TBC1D5: variants seen among roughly 807,000 people sequenced by gnomAD.
TBC1D5 encodes the protein TBC1 domain family, member 5.
TBC1D5 carries 75 observed loss-of-function variants against 100.3 expected under a neutral mutation model. The observed-to-expected ratio is 0.75, with a 90% CI of 0.62 to 0.91. The LOEUF (loss-of-function observed/expected upper bound fraction) is 0.91, where lower values mean the gene tolerates loss of function less well. TBC1D5 is among the 40% of genes least tolerant of loss of function. The pLI, the probability that TBC1D5 is intolerant of heterozygous loss-of-function variation, is 0.00. For synonymous variants in TBC1D5, 323 were observed against 325.6 expected, an observed-to-expected ratio of 0.99 and a Z score of 0.09; for missense variants, 910 against 942.4, an observed-to-expected ratio of 0.97 and a Z score of 0.45.
chr3:17,412,391 C>T (rs2093951204), intron 4 of TBC1D5, among the ~76,000 whole-genome samples: 1 of 152,086 alleles, frequency 6.6e-6, no homozygotes, highest in Admixed American at 6.6e-5. Context: ...GAGAATCAAA[C>T]ATTAAACAGA....
intron 3 of TBC1D5, among the ~76,000 whole-genome samples, chr3:17,437,589 G>C (rs768016304): frequency 2.1e-5 from 3 of 146,144 alleles, no homozygotes; most frequent in Non-Finnish European, 4.5e-5. Flanking sequence ...TGTGTGGTGG[G>C]ATGGAAAGAG....
At chr3:17,321,525 G>A (rs1226289190) in intron 13 of TBC1D5, among the ~76,000 whole-genome samples, 8 of 152,134 alleles carry the variant, frequency 5.3e-5, no homozygotes, top group Admixed American at 5.2e-4. Flanking sequence ...TATTACTTGA[G>A]ATGAATATTT....
chr3:17,367,770 A>G (rs1360893560), intron 13 of TBC1D5, among the ~76,000 whole-genome samples: 1 of 152,028 alleles, frequency 6.6e-6, no homozygotes, highest in Non-Finnish European at 1.5e-5. Context: ...GAGGCAGGAT[A>G]ATTGCTTGAA....
intron 4 of TBC1D5, 59 bp downstream of exon 4, chr3:17,428,388 ATAT>A (rs1190542565): frequency 1.9e-6 from 1 of 521,092 alleles, no homozygotes; most frequent in Non-Finnish European, 2.7e-6. Flanking sequence ...TTATCTTATA[ATAT>A]TATATGTGTG....
intron 2 of TBC1D5, among the ~76,000 whole-genome samples, chr3:17,535,366 GC>G (rs1421346031): frequency 6.6e-6 from 1 of 152,116 alleles, no homozygotes; most frequent in Non-Finnish European, 1.5e-5. Context: ...TGCTTTTATG[GC>G]CCTGGCACAG....
chr3:17,258,931 A>G (rs186420603), intron 15 of TBC1D5, among the ~76,000 whole-genome samples: 1 of 152,302 alleles, frequency 6.6e-6, no homozygotes, highest in African/African-American at 2.4e-5. Flanking sequence ...ACCACAAACT[A>G]TGCCAAGGGA....
intron 16 of TBC1D5, among the ~76,000 whole-genome samples, chr3:17,245,362 T>C (rs907431254): frequency 1.3e-5 from 2 of 152,240 alleles, no homozygotes; most frequent in Non-Finnish European, 2.9e-5. Flanking sequence ...GGAAGTGAAC[T>C]CACTGCTCAT....
chr3:17,196,322 G>T (rs2070681170), intron 18 of TBC1D5, among the ~76,000 whole-genome samples: 1 of 152,146 alleles, frequency 6.6e-6, no homozygotes, highest in Non-Finnish European at 1.5e-5. Flanking sequence ...AAGGCTCCAT[G>T]GGACACAAGG....
intron 13 of TBC1D5, among the ~76,000 whole-genome samples, chr3:17,316,421 G>T (rs920365591): frequency 6.6e-6 from 1 of 152,100 alleles, no homozygotes; most frequent in Non-Finnish European, 1.5e-5. Flanking sequence ...CCTCTCTTCT[G>T]AAAAATACAC....
intron 18 of TBC1D5, among the ~76,000 whole-genome samples, chr3:17,203,657 C>T (rs752319688): frequency 6.6e-6 from 1 of 152,138 alleles, no homozygotes; most frequent in African/African-American, 2.4e-5. Context: ...AGTGAGTTCT[C>T]ACAAGATTTG....
At chr3:17,527,177 G>A (rs778862725) in intron 2 of TBC1D5, among the ~76,000 whole-genome samples, 1 of 152,190 alleles carries the variant, frequency 6.6e-6, no homozygotes, top group Admixed American at 6.5e-5. Flanking sequence ...CCTAGGGATA[G>A]AGAAAGATGG....
Position 17,681,483 on chromosome 3 carries a change from T to C in TBC1D5, c.-100-57570A>G, listed in dbSNP as rs543437836. 4.4e-4 allele frequency among the ~76,000 whole-genome samples: 66 copies of C among 151,592 alleles called. 2 individuals are homozygous for C. Among genetic ancestry groups the C allele is most frequent in the African/African-American group, 1.5e-3 (62 of 40,942 alleles). On this transcript the variant is annotated intron_variant, in intron 1 of 21. Coordinates refer to ENST00000253692, the Ensembl canonical transcript of TBC1D5. ...CAGGAGGAAATTCAAAAGAAAACTA[T>C]AGAAAAAAATTAACTTACTCTCATC...
intron 1 of TBC1D5, among the ~76,000 whole-genome samples, chr3:17,699,080 A>T (rs1297865520): frequency 6.6e-6 from 1 of 151,404 alleles, no homozygotes; most frequent in Non-Finnish European, 1.5e-5. Flanking sequence ...GCTGCTATAA[A>T]GACACATGCC....
intron 16 of TBC1D5, among the ~76,000 whole-genome samples, chr3:17,255,670 T>C (rs977502510): frequency 6.6e-6 from 1 of 152,254 alleles, no homozygotes; most frequent in African/African-American, 2.4e-5. Context: ...AATCCATTAG[T>C]TGTTCCTTTG....
At chr3:17,476,178 G>A (rs1460762233) in intron 3 of TBC1D5, among the ~76,000 whole-genome samples, 1 of 151,316 alleles carries the variant, frequency 6.6e-6, no homozygotes, top group Non-Finnish European at 1.5e-5. Flanking sequence ...TCTCATAATA[G>A]TTTTTGATTT....
intron 3 of TBC1D5, among the ~76,000 whole-genome samples, chr3:17,464,468 T>C (rs1282939432): frequency 6.6e-6 from 1 of 152,198 alleles, no homozygotes; most frequent in Non-Finnish European, 1.5e-5. Context: ...ACTATAACTA[T>C]TTCTTTCATG....
intron 1 of TBC1D5, among the ~76,000 whole-genome samples, chr3:17,735,875 A>T (rs1026018997): frequency 1.6e-4 from 25 of 152,182 alleles, no homozygotes; most frequent in Non-Finnish European, 5.9e-5. Context: ...CACGGACCAG[A>T]AGAGTGTGCA....
chr3:17,279,739 G>A (rs189317572), intron 15 of TBC1D5, among the ~76,000 whole-genome samples: 4 of 152,070 alleles, frequency 2.6e-5, no homozygotes, highest in Non-Finnish European at 5.9e-5. Context: ...CACCAGTTTT[G>A]GAATAGAACA....
chr3:17,297,448 C>T (rs988215903), intron 14 of TBC1D5, among the ~76,000 whole-genome samples: 14 of 151,768 alleles, frequency 9.2e-5, no homozygotes, highest in Admixed American at 5.3e-4. Flanking sequence ...TGGTGGTGGG[C>T]GCCTGTAATC....
Sources: allele counts gnomAD v4.1 joint callset (sites outside exome capture counted in the v4.1 genomes callset), GRCh38; gene constraint gnomAD v4.1.1; transcripts MANE v1.5; gene names NCBI Gene and HGNC (gene_info 2026-07-23, HGNC 2026-07-21).